LRRIQ1: variants seen among roughly 807,000 people sequenced by gnomAD.
LRRIQ1 encodes leucine-rich repeat- and IQ domain-containing protein 1.
In LRRIQ1, 210 loss-of-function variants were observed where a neutral mutation model predicts 211.9. The observed-to-expected ratio is 0.99, with a 90% CI of 0.89 to 1.11. The LOEUF (loss-of-function observed/expected upper bound fraction) is 1.11. LRRIQ1 is among the 50% of genes most tolerant of loss of function. The pLI is 0.00. For missense variants in LRRIQ1, 2,136 were observed against 1,939.5 expected, an observed-to-expected ratio of 1.10 and a Z score of -1.90; for synonymous variants, 699 against 650.1, an observed-to-expected ratio of 1.08 and a Z score of -1.14.
chr12:85,077,180 T>C (rs1883752035), intron 11 of LRRIQ1, among the ~76,000 whole-genome samples: 1 of 152,228 alleles, frequency 6.6e-6, no homozygotes. Flanking sequence ...TTAATTTTGC[T>C]GTTCCTTACA....
intron 15 of LRRIQ1, among the ~76,000 whole-genome samples, chr12:85,114,246 G>T (rs907944602): frequency 1.3e-5 from 2 of 151,864 alleles, no homozygotes; most frequent in African/African-American, 2.4e-5. Context: ...TTTTTAGGTG[G>T]ATTTTTTTTT....
At chr12:85,247,225 C>T (rs895567858), downstream of LRRIQ1, among the ~76,000 whole-genome samples, 4 of 151,734 alleles carry the variant, frequency 2.6e-5, no homozygotes, top group South Asian at 8.3e-4. Context: ...TCCTTGGGCC[C>T]TAGGCCTCCA....
At position 85,242,366 on chromosome 12, in the gene LRRIQ1, G is replaced by C. The variant is rs141021529; in HGVS notation, c.5017-2423G>C. 1.7e-3 allele frequency among the ~76,000 whole-genome samples: 265 copies of C among 151,790 alleles called. 2 individuals carry two copies. Among genetic ancestry groups the C allele is most frequent in the African/African-American group, 6.1e-3 (251 of 41,462 alleles). ...AAATGATACAAATAAAAAAACAATA[G>C]AGTATAACAACTATTTATGTAGCAT... is the stretch of plus-strand genomic sequence containing the variant. On this transcript the variant is annotated intron_variant, in intron 26 of 26. Transcript: ENST00000393217.
chr12:85,272,799 A>G, the LRRIQ1 span, among the ~76,000 whole-genome samples: 1 of 152,194 alleles, frequency 6.6e-6, no homozygotes, highest in East Asian at 1.9e-4. Flanking sequence ...AAACTGAAAG[A>G]TGATGTAATC....
At chr12:85,093,032 C>T (rs1885547194) in intron 11 of LRRIQ1, among the ~76,000 whole-genome samples, 1 of 152,122 alleles carries the variant, frequency 6.6e-6, no homozygotes, top group Non-Finnish European at 1.5e-5. Context: ...AATGAGTCAC[C>T]ATGGTACACA....
At chr12:85,265,713 A>G (rs934283321), downstream of LRRIQ1, among the ~76,000 whole-genome samples, 9 of 152,066 alleles carry the variant, frequency 5.9e-5, no homozygotes, top group African/African-American at 1.9e-4. Flanking sequence ...GAGATTTCAT[A>G]TAAAAATACA....
intron 15 of LRRIQ1, among the ~76,000 whole-genome samples, chr12:85,107,812 T>C (rs143589112): frequency 2.0e-5 from 3 of 152,322 alleles, no homozygotes; most frequent in African/African-American, 7.2e-5. Flanking sequence ...GTATCTACTC[T>C]GCTTTCAGAC....
At chr12:85,039,546 T>C (rs1565776887) in intron 2 of LRRIQ1, among the ~76,000 whole-genome samples, 1 of 151,640 alleles carries the variant, frequency 6.6e-6, no homozygotes, top group East Asian at 1.9e-4. Context: ...TCTGTAGTAC[T>C]AAAAGAAAGG....
rs1237178473 is a variant in LRRIQ1 at position 85,052,194 on chromosome 12, G to T, written c.696G>T (p.Met232Ile). ...ENIQKQEQDK[M>I]NDELYKEEKI... is the part of the protein sequence containing the mutation. ...ATGTTCAGCAAGAACAGGACAAGAT[G>T]AATGATGAACTCTATAAAGAAGAGA... The change falls in exon 7 of 27, where the codon ATG (methionine) becomes ATT (isoleucine). Residue 232 changes from methionine (M) to isoleucine (I), a missense_variant. Transcript: ENST00000393217. The T allele has an allele frequency of 1.3e-6, 2 of 1,540,290 alleles. No individual in the cohort carries two copies. Among genetic ancestry groups the T allele is most frequent in the African/African-American group, 1.4e-5 (1 of 72,282 alleles).
At chr12:85,147,314 T>G (rs1006133985) in intron 19 of LRRIQ1, among the ~76,000 whole-genome samples, 1 of 151,696 alleles carries the variant, frequency 6.6e-6, no homozygotes, top group Non-Finnish European at 1.5e-5. Flanking sequence ...ATGAGAAAAT[T>G]TTTCAGGAAT....
At chr12:85,154,128 G>A (rs775217802) in intron 23 of LRRIQ1, 34 bp downstream of exon 23, 3 of 1,195,232 alleles carry the variant, frequency 2.5e-6, no homozygotes, top group African/African-American at 3.2e-5. Flanking sequence ...TAATAACTGT[G>A]TATGGAAAAT....
chr12:85,088,663 T>C (rs1885078163), intron 11 of LRRIQ1, among the ~76,000 whole-genome samples: 2 of 152,182 alleles, frequency 1.3e-5, no homozygotes, highest in African/African-American at 4.8e-5. Context: ...GTCCTTCACA[T>C]CCCTTGTAAG....
chr12:85,251,207 T>A (rs1748985981), intron 1 of LRRIQ1, among the ~76,000 whole-genome samples: 1 of 150,670 alleles, frequency 6.6e-6, no homozygotes, highest in South Asian at 2.1e-4. Context: ...AAAGTGTATT[T>A]GAGAGAAATT....
Position 85,127,958 on chromosome 12 carries a change from T to C in LRRIQ1, c.4134T>C (p.Thr1378=), listed in dbSNP as rs1888492801. ...CAAATTCTTCCATCAAGAATCAGAC[T>C]ATTTTAAAGAAAGGAAAAAGAGAAA... ...GLPNSSIKNQ[T]ILKKGKRENI... Residue 1378 remains threonine, a synonymous_variant, in exon 18 of 27, where the codon ACT becomes ACC. Coordinates refer to ENST00000393217, the MANE Select transcript of LRRIQ1 (RefSeq NM_001079910.2). 2.5e-6 allele frequency: 4 copies of C among 1,613,494 alleles called. No individual in the cohort carries two copies. Among genetic ancestry groups the C allele is most frequent in the Non-Finnish European group, 3.4e-6 (4 of 1,179,582 alleles).
At position 85,187,691 on chromosome 12, in the gene LRRIQ1, C is replaced by T. The variant is rs766692665; in HGVS notation, c.4822+26977C>T. 3.3e-5 allele frequency among the ~76,000 whole-genome samples: 5 copies of T among 151,848 alleles called. No homozygotes were observed. The South Asian group carries it at 6.3e-4, about 19-fold the overall frequency. On this transcript the variant is annotated intron_variant, in intron 24 of 26. Coordinates refer to ENST00000393217, the MANE Select transcript of LRRIQ1 (RefSeq NM_001079910.2). ...GGGCGTGGTGGCTCATGCCTGTAAT[C>T]CCAGCTACCCGGGAGGCTGAGGCAG...
At chr12:85,195,513 G>T (rs1341004408) in intron 24 of LRRIQ1, among the ~76,000 whole-genome samples, 1 of 152,038 alleles carries the variant, frequency 6.6e-6, no homozygotes, top group Non-Finnish European at 1.5e-5. Context: ...TGCAAGGCTG[G>T]TTCAATATAC....
chr12:85,126,181 G>A (rs1258347859), intron 17 of LRRIQ1, among the ~76,000 whole-genome samples: 2 of 152,060 alleles, frequency 1.3e-5, no homozygotes, highest in Non-Finnish European at 2.9e-5. Flanking sequence ...CAGTCCATAT[G>A]TTAGTGTCAC....
intron 7 of LRRIQ1, among the ~76,000 whole-genome samples, chr12:85,055,137 G>C (rs1258664438): frequency 6.6e-6 from 1 of 152,056 alleles, no homozygotes; most frequent in African/African-American, 2.4e-5. Context: ...CTCAATACTA[G>C]CTCTGAGTCT....
chr12:85,044,868 T>A, intron 4 of LRRIQ1, 59 bp downstream of exon 4: 2 of 716,804 alleles, frequency 2.8e-6, no homozygotes, highest in Non-Finnish European at 4.6e-6. Flanking sequence ...TTTTCTCTCT[T>A]ACACAAGATT....
Sources: gnomAD v4.1 joint callset for allele counts (sites outside exome capture counted in the v4.1 genomes callset) on GRCh38, gnomAD v4.1.1 for gene constraint, MANE v1.5 for transcripts, NCBI Gene and HGNC (gene_info 2026-07-23, HGNC 2026-07-21) for gene names.